Variants in SORCS3 observed in about 807,000 individuals in gnomAD.
The protein encoded by SORCS3 is sortilin related VPS10 domain containing receptor 3, also known as VPS10 domain-containing receptor SorCS3.
A neutral mutation model predicts 146.3 loss-of-function variants in SORCS3; 57 were observed. The ratio of observed to expected loss-of-function variants is 0.39; its 90% CI spans 0.31 to 0.49. The LOEUF is 0.49. Ranked by LOEUF, SORCS3 falls within the 20% of genes least tolerant of loss-of-function variation. The pLI is 0.92. For missense variants in SORCS3, 1,341 were observed against 1,575.5 expected (o/e 0.85, Z 2.52); for synonymous variants, 653 against 618.5 (o/e 1.06, Z -0.83).
chr10:104,865,934 G>C (rs1352009362), intron 2 of SORCS3, among the ~76,000 whole-genome samples: 1 of 152,204 alleles, frequency 6.6e-6, no homozygotes, highest in Non-Finnish European at 1.5e-5. Flanking sequence ...TTCATGGGAA[G>C]GAGGCATGTA....
chr10:105,162,255 G>A (rs565859415), intron 11 of SORCS3, among the ~76,000 whole-genome samples: 1 of 152,308 alleles, frequency 6.6e-6, no homozygotes, highest in African/African-American at 2.4e-5. Flanking sequence ...AGGGCAATGG[G>A]CCCTCCATCA....
intron 3 of SORCS3, among the ~76,000 whole-genome samples, chr10:104,972,740 G>T (rs1211440929): frequency 6.6e-6 from 1 of 152,138 alleles, no homozygotes; most frequent in Non-Finnish European, 1.5e-5. Flanking sequence ...TGTTGAATAG[G>T]AGTGTTGAGA....
chr10:104,735,551 A>G (rs1458664722), intron 1 of SORCS3, among the ~76,000 whole-genome samples: 1 of 142,042 alleles, frequency 7.0e-6, no homozygotes, highest in East Asian at 2.2e-4. Context: ...ATAGGGTTCA[A>G]GGAAACTGGC....
intron 18 of SORCS3, among the ~76,000 whole-genome samples, chr10:105,216,632 G>A (rs1448934438): frequency 1.3e-5 from 2 of 152,158 alleles, no homozygotes; most frequent in Non-Finnish European, 2.9e-5. Flanking sequence ...ATGTATGTGA[G>A]GGAGTCAGTG....
intron 14 of SORCS3, among the ~76,000 whole-genome samples, chr10:105,181,122 C>T (rs1054950006): frequency 1.1e-4 from 16 of 152,068 alleles, no homozygotes; most frequent in African/African-American, 3.9e-4. Context: ...ATATATTTAC[C>T]AGGCTTGTGC....
At position 105,263,635 on chromosome 10, in the gene SORCS3, T is replaced by C; in HGVS notation, c.*261T>C. 6.8e-6 allele frequency: 3 copies of C among 440,788 alleles called. No individual in the cohort carries two copies. The highest frequency in any genetic ancestry group is 1.2e-5 in the Non-Finnish European group (3 of 244,188). 27.3% of individuals were successfully genotyped at this position (440,788 alleles called of 1,614,324 possible). The stretch of plus-strand genomic sequence containing the variant: ...CAGCCTCCTCGCTTTACTCTGCCAT[T>C]GGTAGCTTAAAGACTTTCTTTTTCC... On this transcript the variant is annotated 3_prime_UTR_variant, in exon 27 of 27. Coordinates refer to ENST00000369701, the MANE Select transcript of SORCS3 (RefSeq NM_014978.3).
intron 4 of SORCS3, among the ~76,000 whole-genome samples, chr10:105,016,155 A>ATATATATATATATATATATATATATATTT (rs71482443): frequency 3.9e-5 from 4 of 101,320 alleles, no homozygotes; most frequent in African/African-American, 9.7e-5. Flanking sequence ...ATATATATAT[A>ATATATATATATATATATATATATATATTT]TTTTTTTTTT....
chr10:104,910,549 G>A (rs74155062), intron 2 of SORCS3, among the ~76,000 whole-genome samples: 2,626 of 152,284 alleles, frequency 0.017, 70 homozygotes, highest in African/African-American at 0.059. Context: ...CTCACAAGCC[G>A]AATGTTGGGT....
intron 2 of SORCS3, among the ~76,000 whole-genome samples, chr10:104,903,855 TA>T (rs1434243093): frequency 6.6e-6 from 1 of 152,230 alleles, no homozygotes; most frequent in Non-Finnish European, 1.5e-5. Context: ...TATCTTCTAT[TA>T]AACCAGATAT....
intron 1 of SORCS3, among the ~76,000 whole-genome samples, chr10:104,685,441 A>G (rs1334275578): frequency 6.6e-6 from 1 of 152,130 alleles, no homozygotes; most frequent in Non-Finnish European, 1.5e-5. Flanking sequence ...TGAACCTGGG[A>G]TCAGCTCTCC....
At chr10:104,820,399 A>G (rs1459866202) in intron 1 of SORCS3, among the ~76,000 whole-genome samples, 1 of 152,250 alleles carries the variant, frequency 6.6e-6, no homozygotes, top group East Asian at 1.9e-4. Context: ...TCCTATAAAT[A>G]TTTACTTATT....
intron 14 of SORCS3, among the ~76,000 whole-genome samples, chr10:105,184,253 A>T (rs564922067): frequency 4.6e-5 from 7 of 152,254 alleles, no homozygotes; most frequent in African/African-American, 1.7e-4. Context: ...CATAGACAGT[A>T]TGGAGACAAA....
At chr10:105,147,272 CTTCA>C (rs1173391625) in intron 8 of SORCS3, among the ~76,000 whole-genome samples, 1 of 152,126 alleles carries the variant, frequency 6.6e-6, no homozygotes, top group Non-Finnish European at 1.5e-5. Flanking sequence ...TAGGCTCTGT[CTTCA>C]TTGCATGTGT....
chr10:105,073,605 C>T (rs79015588), intron 5 of SORCS3, among the ~76,000 whole-genome samples: 3 of 152,100 alleles, frequency 2.0e-5, no homozygotes, highest in Non-Finnish European at 4.4e-5. Context: ...GCAGCAAGGG[C>T]AGTCCTAAGT....
At chr10:105,059,139 A>G (rs1227390282) in intron 5 of SORCS3, among the ~76,000 whole-genome samples, 1 of 152,108 alleles carries the variant, frequency 6.6e-6, no homozygotes. Context: ...TTTGAAAACC[A>G]GGGAGACAAA....
chr10:104,990,499 A>G (rs961770), intron 4 of SORCS3, among the ~76,000 whole-genome samples: 33,745 of 152,010 alleles, frequency 0.22, 5,108 homozygotes, highest in African/African-American at 0.43. Context: ...TTGTGAGGTC[A>G]AGGATGGGGA....
intron 2 of SORCS3, among the ~76,000 whole-genome samples, chr10:104,847,332 T>G (rs2018217176): frequency 6.6e-6 from 1 of 152,218 alleles, no homozygotes; most frequent in African/African-American, 2.4e-5. Context: ...TGGCAGATCG[T>G]TTCTTGGACT....
intron 1 of SORCS3, among the ~76,000 whole-genome samples, chr10:104,767,289 T>C (rs892447253): frequency 6.6e-6 from 1 of 152,174 alleles, no homozygotes; most frequent in Non-Finnish European, 1.5e-5. Context: ...TAATCTGTGC[T>C]GCAGCAATGG....
intron 4 of SORCS3, among the ~76,000 whole-genome samples, chr10:105,017,284 A>T (rs1256199574): frequency 6.6e-6 from 1 of 152,080 alleles, no homozygotes; most frequent in Non-Finnish European, 1.5e-5. Context: ...GCCCTGCCTT[A>T]GGGGGGCAGT....
Sources: gnomAD v4.1 joint callset for allele counts (sites outside exome capture counted in the v4.1 genomes callset) on GRCh38, gnomAD v4.1.1 for gene constraint, MANE v1.5 for transcripts, NCBI Gene and HGNC (gene_info 2026-07-23, HGNC 2026-07-21) for gene names.